The following HTR2C variants were observed in gnomAD, a reference collection of about 807,000 sequenced individuals.
HTR2C encodes 5-hydroxytryptamine (serotonin) receptor 2C, G protein-coupled.
In HTR2C, 5 loss-of-function variants were observed where a neutral mutation model predicts 21.0. The observed-to-expected ratio is 0.24, with a 90% CI of 0.12 to 0.50. The LOEUF (loss-of-function observed/expected upper bound fraction) is 0.50. Among genes scored for constraint, HTR2C ranks in the 20% least tolerant of loss-of-function variants. The probability of loss-of-function intolerance (pLI) is 0.98; values close to 1 mark genes in which losing one functional copy is unlikely to be tolerated. For synonymous variants in HTR2C, 150 were observed against 145.3 expected, an observed-to-expected ratio of 1.03 and a Z score of -0.23; for missense variants, 271 against 371.2, an observed-to-expected ratio of 0.73 and a Z score of 2.22.
At chrX:114,826,158 A>G (rs1224592893) in intron 4 of HTR2C, among the ~76,000 whole-genome samples, 2 of 109,157 alleles carry the variant, frequency 1.8e-5, no homozygotes, top group Non-Finnish European at 3.8e-5. Context: ...GCAGCCTCAA[A>G]CTCCTAGGCT....
chrX:114,588,976 G>A (rs1465906015), intron 1 of HTR2C, among the ~76,000 whole-genome samples: 1 of 111,826 alleles, frequency 8.9e-6, no homozygotes, highest in Non-Finnish European at 1.9e-5. Context: ...TGCAGTTAGG[G>A]AAACTGAGGC....
intron 1 of HTR2C, among the ~76,000 whole-genome samples, chrX:114,605,311 A>G (rs782626091): frequency 6.0e-4 from 66 of 110,651 alleles, no homozygotes; most frequent in Middle Eastern, 4.7e-3. Flanking sequence ...GTGGAGGAGC[A>G]GAGGCTGAGG....
chrX:114,765,271 A>T (rs1556434491), intron 4 of HTR2C, among the ~76,000 whole-genome samples: 1 of 110,819 alleles, frequency 9.0e-6, no homozygotes, highest in Non-Finnish European at 1.9e-5. Context: ...TTTCCCTCAA[A>T]GCCTGTATGT....
In HTR2C at chrX:114,718,964, TTAA is replaced by T. The variant is rs1933082869; in HGVS notation, c.-79-7891_-79-7889del. ...AATATAAATTATATTAATATTAATA[TTAA>T]TATTTAATATATATAATATAATAAT... is the stretch of plus-strand genomic sequence containing the variant. On this transcript the variant is annotated intron_variant, in intron 2 of 5. Transcript: ENST00000276198. Among the ~76,000 whole-genome samples the T allele has an allele frequency of 2.4e-4, 18 of 76,192 alleles. No homozygotes were observed. In the South Asian group the frequency reaches 0.013, roughly 57 times the overall value. The allele number at this position is 76,192 out of a possible 115,157, so 66.2% of individuals were successfully genotyped here.
chrX:114,816,200 G>A (rs1359815748), intron 4 of HTR2C, among the ~76,000 whole-genome samples: 1 of 110,154 alleles, frequency 9.1e-6, no homozygotes, highest in Non-Finnish European at 1.9e-5. Context: ...AATACGAATT[G>A]TATGACCAGG....
At chrX:114,840,840 G>C (rs1250256804) in intron 4 of HTR2C, among the ~76,000 whole-genome samples, 2 of 111,565 alleles carry the variant, frequency 1.8e-5, no homozygotes, top group African/African-American at 6.5e-5. Context: ...CTAAGAACTT[G>C]TTATATACTG....
intron 2 of HTR2C, among the ~76,000 whole-genome samples, chrX:114,621,468 T>G (rs1457619181): frequency 8.9e-6 from 1 of 112,036 alleles, no homozygotes; most frequent in Non-Finnish European, 1.9e-5. Context: ...ATTATTTATC[T>G]TTTTGTATTT....
chrX:114,782,446 G>T (rs1489152698), intron 4 of HTR2C, among the ~76,000 whole-genome samples: 1 of 111,837 alleles, frequency 8.9e-6, no homozygotes, highest in African/African-American at 3.3e-5. Context: ...GGTGGGCATG[G>T]TGGCTCATGT....
chrX:114,854,850 A>G (rs1172939582), intron 5 of HTR2C, among the ~76,000 whole-genome samples: 1 of 112,096 alleles, frequency 8.9e-6, no homozygotes, highest in African/African-American at 3.2e-5. Flanking sequence ...TCCAGAGTCT[A>G]TAAGGAACTC....
chrX:114,857,125 G>A (rs922663470), intron 5 of HTR2C, among the ~76,000 whole-genome samples: 4 of 110,097 alleles, frequency 3.6e-5, no homozygotes, highest in Non-Finnish European at 7.6e-5. Flanking sequence ...TTTTCATTTG[G>A]TTTCCTTTTC....
chrX:114,747,739 A>G (rs868988459), intron 4 of HTR2C, among the ~76,000 whole-genome samples: 13 of 112,570 alleles, frequency 1.2e-4, no homozygotes, highest in African/African-American at 4.2e-4. Context: ...AAACTGTCCT[A>G]TAGAGAGGCC....
At chrX:114,866,663 C>T (rs1556474746) in intron 5 of HTR2C, among the ~76,000 whole-genome samples, 1 of 109,986 alleles carries the variant, frequency 9.1e-6, no homozygotes. Flanking sequence ...AACTACTCTT[C>T]CCACCCTCTG....
chrX:114,871,025 A>AT (rs2147510159), intron 5 of HTR2C, among the ~76,000 whole-genome samples: 1 of 109,761 alleles, frequency 9.1e-6, no homozygotes, highest in East Asian at 2.9e-4. Context: ...TAGATTGTTT[A>AT]TTTGACGTTT....
At chrX:114,734,915 A>G (rs2069575924) in intron 4 of HTR2C, among the ~76,000 whole-genome samples, 1 of 111,693 alleles carries the variant, frequency 9.0e-6, no homozygotes, top group Admixed American at 9.6e-5. Flanking sequence ...GTTTGGAAAT[A>G]TGATTCTATG....
intron 4 of HTR2C, among the ~76,000 whole-genome samples, chrX:114,808,778 T>C (rs1556451763): frequency 1.8e-5 from 2 of 112,165 alleles, no homozygotes; most frequent in Non-Finnish European, 3.8e-5. Flanking sequence ...TGGAGAAGTA[T>C]CTATTCAAAT....
At chrX:114,804,157 A>T (rs1284823463) in intron 4 of HTR2C, among the ~76,000 whole-genome samples, 7 of 111,814 alleles carry the variant, frequency 6.3e-5, no homozygotes, top group African/African-American at 2.3e-4. Flanking sequence ...ACGAGGGGAC[A>T]GTTCCAAGAA....
At chrX:114,741,045 TTAGCTAGC>T (rs201878701) in intron 4 of HTR2C, among the ~76,000 whole-genome samples, 1 of 111,575 alleles carries the variant, frequency 9.0e-6, no homozygotes, top group Non-Finnish European at 1.9e-5. Flanking sequence ...TAGGTGATAG[TTAGCTAGC>T]TAGCTAGCTA....
intron 5 of HTR2C, among the ~76,000 whole-genome samples, chrX:114,870,966 G>C (rs1490710719): frequency 9.0e-6 from 1 of 110,529 alleles, no homozygotes; most frequent in Non-Finnish European, 1.9e-5. Context: ...TTTGGGTTTG[G>C]TTTGGTTTGG....
At chrX:114,754,969 G>A (rs1556429493) in intron 4 of HTR2C, among the ~76,000 whole-genome samples, 1 of 112,009 alleles carries the variant, frequency 8.9e-6, no homozygotes, top group African/African-American at 3.2e-5. Flanking sequence ...GCCGGGCACG[G>A]TGGCTCATGC....
Sources: gnomAD v4.1 joint callset for allele counts (sites outside exome capture counted in the v4.1 genomes callset) on GRCh38, gnomAD v4.1.1 for gene constraint, MANE v1.5 for transcripts, NCBI Gene and HGNC (gene_info 2026-07-23, HGNC 2026-07-21) for gene names.